Variants in NSUN7 observed in about 807,000 individuals in gnomAD.
The protein encoded by NSUN7 is NOP2/Sun RNA methyltransferase family member 7, also known as protein NSUN7.
Under a neutral mutation model 58.5 loss-of-function variants are expected in NSUN7, and 39 were observed. The ratio of observed to expected loss-of-function variants is 0.67; its 90% CI spans 0.52 to 0.87. The LOEUF (loss-of-function observed/expected upper bound fraction) is 0.87. Ranked by LOEUF, NSUN7 falls within the 40% of genes least tolerant of loss-of-function variation. NSUN7 has a pLI of 0.00. For synonymous variants in NSUN7, 278 were observed against 303.7 expected (o/e 0.92, Z 0.88); for missense variants, 765 against 844.1 (o/e 0.91, Z 1.16).
intron 10 of NSUN7, among the ~76,000 whole-genome samples, chr4:40,805,861 AGATGGAGTCTTGCTCTGTCACCCAG>A (rs1224868390): frequency 6.6e-6 from 1 of 151,756 alleles, no homozygotes; most frequent in Non-Finnish European, 1.5e-5. Flanking sequence ...ATTATTATTG[AGATGGAGTCTTGCTCTGTCACCCAG>A]GATGGAGTAC....
chr4:40,761,232 A>T lies in NSUN7; in HGVS notation c.419A>T (p.Gln140Leu). 1 of 1,587,988 alleles carries T rather than the reference A, an allele frequency of 6.3e-7. No homozygotes were observed. The highest frequency in any genetic ancestry group is 8.5e-7 in the Non-Finnish European group (1 of 1,172,222). Residue 140 changes from glutamine to leucine, a missense_variant, in exon 4 of 12, where the codon CAA (glutamine) becomes CTA (leucine). Gln to Leu is a moderately radical substitution (Grantham distance 113). Coordinates refer to ENST00000381782, the MANE Select transcript of NSUN7 (RefSeq NM_024677.6). ...TATGATTTCCAAGATAGAAAATTTC[A>T]AACTCGTGTCCTTTCTGATAATGAA... is the stretch of plus-strand genomic sequence containing the variant. ...MLYDFQDRKF[Q>L]TRVLSDNEEP...
intron 4 of NSUN7, among the ~76,000 whole-genome samples, chr4:40,765,018 C>T (rs1293042575): frequency 2.7e-5 from 4 of 148,614 alleles, no homozygotes; most frequent in Admixed American, 2.0e-4. Flanking sequence ...AATTTTCTCC[C>T]ATTTTGTAGG....
At chr4:40,799,746 C>T (rs1743499660) in intron 10 of NSUN7, among the ~76,000 whole-genome samples, 1 of 152,162 alleles carries the variant, frequency 6.6e-6, no homozygotes, top group South Asian at 2.1e-4. Flanking sequence ...TACCAAGAAT[C>T]ACTTCTTAGT....
rs1481181923 is a variant in NSUN7, at chr4:40,756,032, T to C, written c.299-4402T>C. On this transcript the variant is annotated intron_variant, in intron 2 of 11. Transcript: ENST00000381782. ...TCGTGTGGCTGGCTGACCTTAGTTA[T>C]TCAGTCTCTAGCTTCTTCAGAGACC... is the stretch of plus-strand genomic sequence containing the variant. 2.0e-5 allele frequency among the ~76,000 whole-genome samples: 3 copies of C among 152,136 alleles called. No homozygotes were observed. In the East Asian group the frequency reaches 5.8e-4, roughly 29 times the overall value.
At chr4:40,752,396 G>A (rs927598386) in intron 2 of NSUN7, among the ~76,000 whole-genome samples, 1 of 152,140 alleles carries the variant, frequency 6.6e-6, no homozygotes, top group African/African-American at 2.4e-5. Flanking sequence ...GGACAATATA[G>A]CAAGACCCCA....
At chr4:40,796,454 A>G (rs1227082408) in intron 9 of NSUN7, among the ~76,000 whole-genome samples, 1 of 152,116 alleles carries the variant, frequency 6.6e-6, no homozygotes, top group Non-Finnish European at 1.5e-5. Flanking sequence ...AACCTGGACA[A>G]CATAGTGAGA....
chr4:40,794,821 T>C (rs1743247936), intron 9 of NSUN7, among the ~76,000 whole-genome samples: 1 of 152,222 alleles, frequency 6.6e-6, no homozygotes, highest in African/African-American at 2.4e-5. Context: ...TCATTGTGCC[T>C]ACCCTTAACA....
chr4:40,767,420 T>C (rs1040826480), intron 4 of NSUN7, among the ~76,000 whole-genome samples: 8 of 152,230 alleles, frequency 5.3e-5, no homozygotes, highest in African/African-American at 1.4e-4. Context: ...TCCTGAGTTC[T>C]AGTTTGATTG....
chr4:40,774,703 T>G, intron 5 of NSUN7, 64 bp from the exon 6 acceptor site: 1 of 1,001,346 alleles, frequency 1.0e-6, no homozygotes, highest in African/African-American at 1.6e-5. Context: ...AAAAAGGTGT[T>G]AGTGTTAAGG....
chr4:40,779,620 CTA>C (rs1376875969), intron 7 of NSUN7, among the ~76,000 whole-genome samples: 1 of 151,798 alleles, frequency 6.6e-6, no homozygotes, highest in African/African-American at 2.4e-5. Context: ...CACTCTGTCT[CTA>C]AAAAAGTGGA....
intron 4 of NSUN7, among the ~76,000 whole-genome samples, chr4:40,766,310 A>G (rs1374896486): frequency 2.0e-5 from 3 of 151,784 alleles, no homozygotes; most frequent in African/African-American, 7.3e-5. Context: ...GAATTTTGTG[A>G]AAGGCCTTTT....
chr4:40,809,845 GTTAA>G lies in NSUN7; in HGVS notation c.*914_*917del, dbSNP rs775979420. On this transcript the variant is annotated 3_prime_UTR_variant, in exon 12 of 12. Coordinates refer to ENST00000381782, the MANE Select transcript of NSUN7 (RefSeq NM_024677.6). ...ACAATTAAATATATTGTAGCACTATGTTAATTAATTATATTAAATGTCGATTCAT... is the reference window on the plus strand; with the variant it reads ...ACAATTAAATATATTGTAGCACTATGTTAATTATATTAAATGTCGATTCAT... The G allele has an allele frequency of 1.8e-4, 28 of 152,138 alleles. No homozygotes were observed. The highest frequency in any genetic ancestry group is 3.5e-4 in the Non-Finnish European group (24 of 68,028). The allele number at this position is 152,138 out of a possible 1,614,324, so 9.4% of individuals were successfully genotyped here.
At chr4:40,783,609 A>G (rs1397969787) in intron 7 of NSUN7, among the ~76,000 whole-genome samples, 1 of 152,176 alleles carries the variant, frequency 6.6e-6, no homozygotes, top group Non-Finnish European at 1.5e-5. Flanking sequence ...GCACTTTGGG[A>G]GGCCGAGGTG....
intron 8 of NSUN7, 67 bp from the exon 9 acceptor site, chr4:40,794,305 TATG>T (rs1743225366): frequency 1.4e-6 from 1 of 727,530 alleles, no homozygotes; most frequent in Non-Finnish European, 2.2e-6. Context: ...TGAAAAATTA[TATG>T]ATGATAACAA....
intron 4 of NSUN7, among the ~76,000 whole-genome samples, chr4:40,773,668 C>T (rs557458440): frequency 1.1e-4 from 16 of 147,408 alleles, no homozygotes; most frequent in South Asian, 4.3e-4. Flanking sequence ...GGGCGACAGA[C>T]GGAGACTCTA....
At chr4:40,794,158 A>G (rs552563839) in intron 8 of NSUN7, among the ~76,000 whole-genome samples, 1 of 152,320 alleles carries the variant, frequency 6.6e-6, no homozygotes, top group Non-Finnish European at 1.5e-5. Flanking sequence ...AAATATTTTC[A>G]ATATTGTTTT....
chr4:40,787,236 G>GT (rs1742869745), intron 7 of NSUN7, among the ~76,000 whole-genome samples: 1 of 151,800 alleles, frequency 6.6e-6, no homozygotes, highest in African/African-American at 2.4e-5. Context: ...TTGTTCATGT[G>GT]TTTATCTGCT....
At chr4:40,807,559 A>G (rs1011396353) in intron 11 of NSUN7, among the ~76,000 whole-genome samples, 10 of 151,906 alleles carry the variant, frequency 6.6e-5, no homozygotes, top group Non-Finnish European at 8.8e-5. Context: ...CATCTTGGCC[A>G]GGCTGGTCTT....
chr4:40,770,072 T>C (rs992812748), intron 4 of NSUN7, among the ~76,000 whole-genome samples: 1 of 151,988 alleles, frequency 6.6e-6, no homozygotes, highest in African/African-American at 2.4e-5. Context: ...TAGTCAGGCG[T>C]GGTGGTGCAT....
Sources: gnomAD v4.1 joint callset for allele counts (sites outside exome capture counted in the v4.1 genomes callset) on GRCh38, gnomAD v4.1.1 for gene constraint, MANE v1.5 for transcripts, NCBI Gene and HGNC (gene_info 2026-07-23, HGNC 2026-07-21) for gene names.